Variants in PCDHA4 observed in about 807,000 individuals in gnomAD.
PCDHA4 encodes the protein protocadherin alpha-4.
A neutral mutation model predicts 61.4 loss-of-function variants in PCDHA4; 49 were observed. That is an observed-to-expected ratio of 0.80 (90% confidence interval 0.63 to 1.01). The LOEUF (loss-of-function observed/expected upper bound fraction) is 1.01, where lower values mean the gene tolerates loss of function less well. PCDHA4 is among the 50% of genes least tolerant of loss of function. PCDHA4 has a pLI of 0.00. For missense variants in PCDHA4, 1,254 were observed against 1,235.8 expected, an observed-to-expected ratio of 1.01 and a Z score of -0.22; for synonymous variants, 590 against 550.3, an observed-to-expected ratio of 1.07 and a Z score of -1.01.
chr5:140,877,225 G>T, intron 1 of PCDHA4: 1 of 1,613,746 alleles, frequency 6.2e-7, no homozygotes, highest in South Asian at 1.1e-5. Context: ...ACCGCGGTCG[G>T]TGGGTGCGGG....
At chr5:140,921,834 A>G (rs2080429595) in intron 1 of PCDHA4, among the ~76,000 whole-genome samples, 1 of 152,142 alleles carries the variant, frequency 6.6e-6, no homozygotes, top group Non-Finnish European at 1.5e-5. Context: ...ATACACATAT[A>G]GACATATTTA....
intron 1 of PCDHA4, among the ~76,000 whole-genome samples, chr5:140,969,719 T>G (rs1448594057): frequency 7.9e-5 from 12 of 152,220 alleles, no homozygotes; most frequent in Non-Finnish European, 1.5e-4. Flanking sequence ...AGGGAAATTT[T>G]TCTTTTGAAA....
intron 1 of PCDHA4, among the ~76,000 whole-genome samples, chr5:140,903,033 G>A (rs2069954043): frequency 6.6e-6 from 1 of 152,180 alleles, no homozygotes; most frequent in African/African-American, 2.4e-5. Context: ...GCTTGCACAT[G>A]TGTCTTTTTC....
At chr5:140,971,221 G>A (rs1234658755) in intron 1 of PCDHA4, among the ~76,000 whole-genome samples, 1 of 152,082 alleles carries the variant, frequency 6.6e-6, no homozygotes, top group East Asian at 1.9e-4. Flanking sequence ...TCCCTCTCCT[G>A]ACTCAAAGCT....
intron 1 of PCDHA4, among the ~76,000 whole-genome samples, chr5:140,831,469 C>T (rs2150194603): frequency 8.2e-6 from 1 of 122,106 alleles, no homozygotes; most frequent in Non-Finnish European, 1.7e-5. Flanking sequence ...AAGTGATTCT[C>T]TCACCTCAGC....
Position 140,880,816 on chromosome 5 carries a change from G to A in PCDHA4, c.2385+71244G>A, listed in dbSNP as rs3806840. On this transcript the variant is annotated intron_variant, in intron 1 of 3. Transcript: ENST00000530339. ...ATAAATAGGTGAATGACTCTAGAGTGTCTGGAAGGGCATATTTTAAATGGT... is the reference window on the plus strand; with the variant it reads ...ATAAATAGGTGAATGACTCTAGAGTATCTGGAAGGGCATATTTTAAATGGT... Among the ~76,000 whole-genome samples the A allele has an allele frequency of 9.8e-5, 15 of 152,318 alleles. No individual in the cohort carries two copies. In the East Asian group the frequency reaches 2.9e-3, roughly 29 times the overall value.
At chr5:140,835,876 G>A (rs1774006119) in intron 1 of PCDHA4, 2 of 1,611,976 alleles carry the variant, frequency 1.2e-6, no homozygotes, top group East Asian at 4.5e-5. Flanking sequence ...GTGGAGCTGC[G>A]GGTGGGCGAG....
intron 1 of PCDHA4, chr5:140,857,181 C>G (rs2044400350): frequency 6.3e-7 from 1 of 1,598,486 alleles, no homozygotes; most frequent in East Asian, 2.2e-5. Flanking sequence ...GACCATGATT[C>G]AGGAGCCAAC....
At chr5:140,989,810 AT>A (rs2097361628) in intron 3 of PCDHA4, among the ~76,000 whole-genome samples, 1 of 152,192 alleles carries the variant, frequency 6.6e-6, no homozygotes, top group Non-Finnish European at 1.5e-5. Context: ...GGGCCATAAG[AT>A]TGGTCACTGC....
chr5:140,970,651 T>C (rs1191146950), intron 1 of PCDHA4, among the ~76,000 whole-genome samples: 4 of 152,226 alleles, frequency 2.6e-5, no homozygotes, highest in Non-Finnish European at 5.9e-5. Flanking sequence ...TAGTGATGAA[T>C]TGTTATCTTT....
At chr5:140,982,935 T>C (rs2097016879) in intron 3 of PCDHA4, among the ~76,000 whole-genome samples, 2 of 151,876 alleles carry the variant, frequency 1.3e-5, no homozygotes, top group African/African-American at 4.9e-5. Context: ...ACAAAGATCT[T>C]TTGGTTGAAG....
At chr5:140,824,127 C>G (rs370659144) in intron 1 of PCDHA4, 1 of 1,613,450 alleles carries the variant, frequency 6.2e-7, no homozygotes, top group Non-Finnish European at 8.5e-7. Flanking sequence ...CTACAGACAA[C>G]GTGAGTTTTC....
chr5:140,882,587 G>C (rs559310344), intron 1 of PCDHA4: 9 of 1,614,256 alleles, frequency 5.6e-6, no homozygotes, highest in Non-Finnish European at 6.8e-6. Flanking sequence ...CATCCACCTG[G>C]AGGTGATCGT....
intron 1 of PCDHA4, among the ~76,000 whole-genome samples, chr5:140,975,953 T>A (rs1554237158): frequency 6.6e-6 from 1 of 152,084 alleles, no homozygotes; most frequent in Non-Finnish European, 1.5e-5. Context: ...CATATTAGAG[T>A]TCTTCACCAA....
At chr5:140,900,073 G>T (rs1490261769) in intron 1 of PCDHA4, among the ~76,000 whole-genome samples, 1 of 152,072 alleles carries the variant, frequency 6.6e-6, no homozygotes, top group African/African-American at 2.4e-5. Flanking sequence ...GCCTCCAAAA[G>T]TGCTGCAGTT....
rs890605582 is a variant in PCDHA4 at position 140,851,133 on chromosome 5, T to C, written c.2385+41561T>C. Reference sequence around the variant, plus strand: ...GAATCAATTTTATTTAAATTTGTGATTAAAGTGACATTGAATTTCTGATGC... The same window carrying C: ...GAATCAATTTTATTTAAATTTGTGACTAAAGTGACATTGAATTTCTGATGC... On this transcript the variant is annotated intron_variant, in intron 1 of 3. Transcript: ENST00000530339. 54 of 1,314,072 alleles carry C rather than the reference T, an allele frequency of 4.1e-5. 3 individuals carry two copies. Among genetic ancestry groups the C allele is most frequent in the Non-Finnish European group, 5.2e-5 (53 of 1,014,404 alleles). 81.4% of individuals were successfully genotyped at this position (1,314,072 alleles called of 1,614,324 possible). A position where few individuals can be genotyped will look rare whatever the true frequency, so the allele number is the denominator to read the frequency against.
intron 1 of PCDHA4, chr5:140,858,360 G>T: frequency 6.3e-7 from 1 of 1,592,532 alleles, no homozygotes; most frequent in Non-Finnish European, 8.6e-7. Context: ...ATGGCCTTCA[G>T]CCCCAGCCTT....
intron 1 of PCDHA4, among the ~76,000 whole-genome samples, chr5:140,907,765 T>C (rs901037519): frequency 8.5e-5 from 13 of 152,144 alleles, no homozygotes; most frequent in African/African-American, 3.1e-4. Flanking sequence ...GCCCATTGGG[T>C]GATGACAGGG....
At chr5:140,856,119 A>G (rs782020835) in intron 1 of PCDHA4, 1 of 1,597,678 alleles carries the variant, frequency 6.3e-7, no homozygotes, top group East Asian at 2.2e-5. Flanking sequence ...GCAGCCTGGG[A>G]GGTGGGGAGC....
Sources: gnomAD v4.1 joint callset for allele counts (sites outside exome capture counted in the v4.1 genomes callset) on GRCh38, gnomAD v4.1.1 for gene constraint, MANE v1.5 for transcripts, NCBI Gene and HGNC (gene_info 2026-07-23, HGNC 2026-07-21) for gene names.